Variants in SETD1A observed in about 807,000 individuals in gnomAD.
SETD1A encodes the protein SET domain containing 1A, histone lysine methyltransferase.
A neutral mutation model predicts 149.9 loss-of-function variants in SETD1A; 29 were observed. The ratio of observed to expected loss-of-function variants is 0.19; its 90% CI spans 0.14 to 0.26. The LOEUF (loss-of-function observed/expected upper bound fraction) is 0.26, where lower values mean the gene tolerates loss of function less well. Ranked by LOEUF, SETD1A falls within the 10% of genes least tolerant of loss-of-function variation. SETD1A has a pLI of 1.00. For synonymous variants in SETD1A, 1,141 were observed against 968.5 expected (o/e 1.18, Z -3.31); for missense variants, 2,109 against 2,353.1 (o/e 0.90, Z 2.15).
chr16:30,980,028 C>G lies in SETD1A; in HGVS notation c.4242C>G (p.Ala1414=). Residue 1414 remains alanine, a synonymous_variant, in exon 14 of 19, where the codon GCC becomes GCG. Transcript: ENST00000262519. The surrounding 1 kb of genome is among the most constrained non-coding windows in gnomAD (Gnocchi z 7.7). ...PPPPPPPPPR[A]YEPRSEFEQM... is the part of the protein sequence containing the mutation. ...CACCCCCGCCGCCACCGCCCCGCGC[C>G]TACGAGCCACGCAGTGAGTTTGAAC... The G allele has an allele frequency of 6.3e-7, 1 of 1,582,904 alleles. No homozygotes were observed. Among genetic ancestry groups the G allele is most frequent in the Non-Finnish European group, 8.6e-7 (1 of 1,167,202 alleles).
chr16:30,980,772 G>C lies in SETD1A; in HGVS notation c.4615G>C (p.Glu1539Gln), dbSNP rs1216898408. 1 of 1,613,024 alleles carries C rather than the reference G, an allele frequency of 6.2e-7. No homozygotes were observed. The highest frequency in any genetic ancestry group is 8.5e-7 in the Non-Finnish European group (1 of 1,179,888). Residue 1539 changes from glutamate to glutamine, a missense_variant, in exon 16 of 19, where the codon GAG becomes CAG. Coordinates refer to ENST00000262519, the MANE Select transcript of SETD1A (RefSeq NM_014712.3). This position sits in a 1 kb window ranked among gnomAD's most constrained non-coding sequence, Gnocchi z 7.7. The stretch of plus-strand genomic sequence containing the variant: ...CCGCGTGCTGTCCGAGCGCCGGTCC[G>C]AGCAGCGGCGGCTGCTGAGCGCCAT... ...TNRVLSERRS[E>Q]QRRLLSAIGT...
At chr16:30,960,654 C>T (rs1441233294) in intron 3 of SETD1A, among the ~76,000 whole-genome samples, 1 of 151,496 alleles carries the variant, frequency 6.6e-6, no homozygotes, top group Non-Finnish European at 1.5e-5. Flanking sequence ...AAAGGCTGAG[C>T]TAGGAAATCA....
At chr16:30,970,458 G>C (rs1385693296) in intron 12 of SETD1A, among the ~76,000 whole-genome samples, 2 of 151,828 alleles carry the variant, frequency 1.3e-5, no homozygotes, top group Non-Finnish European at 2.9e-5. Context: ...AGCAGAGATG[G>C]GGTTTTACCA....
rs780075258 is a variant in SETD1A at position 30,979,303 on chromosome 16, A to G, written c.3517A>G (p.Ile1173Val). ...CCGGAAAACTGTCTCCTTCTCTGCC[A>G]TCGAGGTGGTGCCAGCCCCGGAGCC... The part of the protein sequence containing the change: ...KRRKTVSFSA[I>V]EVVPAPEPPP... Residue 1173 changes from isoleucine (I) to valine (V), a missense_variant, in exon 14 of 19, where the codon ATC becomes GTC. Around this residue, in one of 8 missense-constraint regions of SETD1A, gnomAD observed 832 missense variants for 815.6 expected, o/e 1.02. Transcript: ENST00000262519. 4 of 1,462,556 alleles carry G rather than the reference A, an allele frequency of 2.7e-6. No homozygotes were observed. The South Asian group carries it at 3.4e-5, about 12-fold the overall frequency. 90.6% of individuals were successfully genotyped at this position (1,462,556 alleles called of 1,614,324 possible).
chr16:30,979,038 C>A, intron 13 of SETD1A, 107 bp from the exon 14 acceptor site: 1 of 1,164,438 alleles, frequency 8.6e-7, no homozygotes. Context: ...CTCCGGGGTT[C>A]CTGGGCGGAA....
chr16:30,967,353 T>G, intron 9 of SETD1A, 148 bp from the exon 10 acceptor site: 1 of 742,008 alleles, frequency 1.3e-6, no homozygotes, highest in Non-Finnish European at 2.3e-6. Flanking sequence ...GGGGTTTCAC[T>G]GTGTTGGCCA....
At chr16:30,978,918 G>A (rs558078454) in intron 13 of SETD1A, among the ~76,000 whole-genome samples, 13 of 152,298 alleles carry the variant, frequency 8.5e-5, no homozygotes, top group Non-Finnish European at 1.6e-4. Context: ...TGTGGACTCC[G>A]AGTGTCCCAC....
At position 30,980,959 on chromosome 16, in the gene SETD1A, G is replaced by A; in HGVS notation, c.4693-102G>A. ...GTGGTTCCCTCGGGTGGAGTTGGGG[G>A]GTAAGCAGCCAGAACACCCTCTGCC... On this transcript the variant is annotated intron_variant, in intron 16 of 18. Coordinates refer to ENST00000262519, the MANE Select transcript of SETD1A (RefSeq NM_014712.3). The surrounding 1 kb of genome is among the most constrained non-coding windows in gnomAD (Gnocchi z 7.7). 6.3e-7 allele frequency: 1 copy of A among 1,576,114 alleles called. No homozygotes were observed. The highest frequency in any genetic ancestry group is 8.7e-7 in the Non-Finnish European group (1 of 1,155,336).
chr16:30,966,504 CGCAGGCCCT>C, intron 8 of SETD1A, 118 bp downstream of exon 8: 1 of 1,433,658 alleles, frequency 7.0e-7, no homozygotes, highest in South Asian at 1.5e-5. Flanking sequence ...GGAGAGAGGC[CGCAGGCCCT>C]GCAGGCCACC....
chr16:30,969,188 A>G (rs1479313141), intron 10 of SETD1A, 117 bp from the exon 11 acceptor site: 16 of 1,043,178 alleles, frequency 1.5e-5, no homozygotes, highest in Non-Finnish European at 2.1e-5. Flanking sequence ...CCAAATTCTC[A>G]TCTGTGAAAT....
chr16:30,978,490 G>C (rs1368031720), intron 13 of SETD1A, among the ~76,000 whole-genome samples: 1 of 152,082 alleles, frequency 6.6e-6, no homozygotes, highest in African/African-American at 2.4e-5. Context: ...CGGAGCCAGT[G>C]TGTTCCCTCC....
intron 10 of SETD1A, 37 bp downstream of exon 10, chr16:30,967,625 G>T (rs201120118): frequency 7.6e-6 from 12 of 1,578,848 alleles, no homozygotes; most frequent in East Asian, 4.5e-5. Flanking sequence ...GGGGTGTGCT[G>T]CGTGGGTTCT....
chr16:30,980,234 TCC>T lies in SETD1A; in HGVS notation c.4408+44_4408+45del, dbSNP rs1567364406. The stretch of plus-strand genomic sequence containing the variant: ...GGCGGCCTTCCCCGGGCTTGGGTCC[TCC>T]CCCGACCCCTCCAGGCACCTGCATC... On this transcript the variant is annotated intron_variant, in intron 14 of 18. Coordinates refer to ENST00000262519, the MANE Select transcript of SETD1A (RefSeq NM_014712.3). This position sits in a 1 kb window ranked among gnomAD's most constrained non-coding sequence, Gnocchi z 7.7. 2.6e-6 allele frequency: 4 copies of T among 1,549,852 alleles called. No individual in the cohort carries two copies. The highest frequency in any genetic ancestry group is 8.7e-7 in the Non-Finnish European group (1 of 1,146,988).
intron 17 of SETD1A, 86 bp downstream of exon 17, chr16:30,981,266 AG>A (rs1351090673): frequency 6.5e-7 from 1 of 1,543,784 alleles, no homozygotes; most frequent in African/African-American, 1.4e-5. Context: ...GTCCGGTTAA[AG>A]CCTTGCACAC....
intron 6 of SETD1A, 33 bp downstream of exon 6, chr16:30,964,356 G>T (rs564712058): frequency 2.0e-5 from 31 of 1,544,648 alleles, no homozygotes; most frequent in Non-Finnish European, 2.8e-5. Context: ...GGCCCCGCCC[G>T]CAAAGTCTGG....
At chr16:30,975,521 C>T (rs1400386111) in intron 13 of SETD1A, among the ~76,000 whole-genome samples, 1 of 148,098 alleles carries the variant, frequency 6.8e-6, no homozygotes, top group African/African-American at 2.5e-5. Flanking sequence ...ACCTCCGCTT[C>T]CCGGGTTCAT....
chr16:30,958,590 G>A, intron 1 of SETD1A, 127 bp from the exon 2 acceptor site: 1 of 757,470 alleles, frequency 1.3e-6, no homozygotes, highest in Non-Finnish European at 2.1e-6. Flanking sequence ...GGGGAGCCCC[G>A]GGTCAGGGTG....
At chr16:30,968,778 C>A (rs1435008740) in intron 10 of SETD1A, among the ~76,000 whole-genome samples, 1 of 148,692 alleles carries the variant, frequency 6.7e-6, no homozygotes, top group Non-Finnish European at 1.5e-5. Context: ...TCCAGCCTGG[C>A]GACAAAGCGA....
At chr16:30,959,880 C>A (rs1025165248) in intron 3 of SETD1A, among the ~76,000 whole-genome samples, 1 of 152,104 alleles carries the variant, frequency 6.6e-6, no homozygotes, top group South Asian at 2.1e-4. Flanking sequence ...GCTTGTATGC[C>A]TGGTAGGGGG....
Sources: gnomAD v4.1 joint callset for allele counts (sites outside exome capture counted in the v4.1 genomes callset) on GRCh38, gnomAD v4.1.1 for gene constraint, gnomAD v4.1.1 regional missense constraint, Gnocchi (gnomAD v3.1) non-coding constraint, MANE v1.5 for transcripts, NCBI Gene and HGNC (gene_info 2026-07-23, HGNC 2026-07-21) for gene names.